Variants in PLEKHO2 observed in about 807,000 individuals in gnomAD.
PLEKHO2 encodes the protein pleckstrin homology domain containing O2, also known as pleckstrin homology domain-containing family O member 2.
PLEKHO2 carries 20 observed loss-of-function variants against 32.7 expected under a neutral mutation model. The ratio of observed to expected loss-of-function variants is 0.61; its 90% CI spans 0.43 to 0.89. The LOEUF is 0.89. Among genes scored for constraint, PLEKHO2 ranks in the 40% least tolerant of loss-of-function variants. PLEKHO2 has a pLI of 0.00. For missense variants in PLEKHO2, 568 were observed against 621.2 expected (o/e 0.91, Z 0.91); for synonymous variants, 247 against 246.3 (o/e 1.00, Z -0.03).
intron 2 of PLEKHO2, among the ~76,000 whole-genome samples, chr15:64,853,053 C>T (rs1289518654): frequency 3.3e-5 from 5 of 150,280 alleles, no homozygotes; most frequent in Admixed American, 6.6e-5. Context: ...GCCGGAGAAT[C>T]GCAGGTACCC....
intron 2 of PLEKHO2, among the ~76,000 whole-genome samples, chr15:64,852,075 A>T (rs2084573726): frequency 6.6e-6 from 1 of 152,190 alleles, no homozygotes; most frequent in South Asian, 2.1e-4. Flanking sequence ...AGAATGGGGT[A>T]GAGAAAGATG....
rs980057427 is a variant in PLEKHO2 at position 64,859,984 on chromosome 15, A to G, written c.370A>G (p.Lys124Glu). Residue 124 changes from lysine to glutamate, a missense_variant, in exon 4 of 6, where the codon AAG becomes GAG. Lys to Glu is a moderately conservative substitution (Grantham distance 56). Transcript: ENST00000323544. The part of the protein sequence containing the change: ...LNEGINRGKN[K>E]AFDEVKVDKS... ...TGAAGGGATTAACCGAGGCAAAAAC[A>G]AGGCTTTCGATGAGGTGCGATGCAG... The G allele has an allele frequency of 2.5e-6, 4 of 1,614,086 alleles. No individual in the cohort carries two copies. The highest frequency in any genetic ancestry group is 3.3e-4 in the Middle Eastern group (2 of 6,062).
rs146726061 is a variant in PLEKHO2, at chr15:64,861,567, C to A, written c.475C>A (p.Leu159Met). 3 of 1,601,588 alleles carry A rather than the reference C, an allele frequency of 1.9e-6. No individual in the cohort carries two copies. In the African/African-American group the frequency reaches 4.0e-5, roughly 21 times the overall value. Residue 159 changes from leucine to methionine, a missense_variant, in exon 5 of 6, where the codon CTG becomes ATG. Coordinates refer to ENST00000323544, the MANE Select transcript of PLEKHO2 (RefSeq NM_025201.5). ...ACGCCGGCCACCAACGAGAGTCCAC[C>A]TGAAGGAGGTAGGGCCTTACCCAGT... ...QRRRPPTRVH[L>M]KEVASAASDG...
intron 3 of PLEKHO2, among the ~76,000 whole-genome samples, chr15:64,856,026 A>AG (rs969987525): frequency 1.3e-5 from 2 of 151,948 alleles, no homozygotes; most frequent in African/African-American, 4.8e-5. Context: ...ATAGCAGTGG[A>AG]GGGGGCTGTG....
intron 2 of PLEKHO2, among the ~76,000 whole-genome samples, chr15:64,854,394 G>A (rs1595829896): frequency 6.6e-6 from 1 of 152,176 alleles, no homozygotes; most frequent in Non-Finnish European, 1.5e-5. Context: ...CTCCGCAGGG[G>A]GTGATGCTGA....
rs2084487299 is a variant in PLEKHO2 at position 64,842,005 on chromosome 15, G to C, written c.-12G>C. On this transcript the variant is annotated 5_prime_UTR_variant, in exon 1 of 6. Coordinates refer to ENST00000323544, the MANE Select transcript of PLEKHO2 (RefSeq NM_025201.5). ...GCGAGTGGCGGAGCGGCGGGACCTC[G>C]GCGGACTCGCCATGGAGGAGGAGGT... 6.4e-6 allele frequency: 8 copies of C among 1,245,902 alleles called. No individual in the cohort carries two copies. The highest frequency in any genetic ancestry group is 8.0e-6 in the Non-Finnish European group (8 of 995,738). The allele number at this position is 1,245,902 out of a possible 1,614,324, so 77.2% of individuals were successfully genotyped here.
chr15:64,846,825 G>T (rs1460759803), intron 1 of PLEKHO2, among the ~76,000 whole-genome samples: 3 of 152,222 alleles, frequency 2.0e-5, no homozygotes, highest in Non-Finnish European at 2.9e-5. Context: ...AGTGACAATA[G>T]TAACAATAAT....
intron 3 of PLEKHO2, among the ~76,000 whole-genome samples, chr15:64,855,284 T>C (rs2084599619): frequency 6.6e-6 from 1 of 152,208 alleles, no homozygotes; most frequent in South Asian, 2.1e-4. Context: ...CCTTTTCCTC[T>C]TGCAGGCCCA....
chr15:64,848,516 C>T, intron 1 of PLEKHO2, 77 bp from the exon 2 acceptor site: 1 of 1,560,214 alleles, frequency 6.4e-7, no homozygotes. Flanking sequence ...GGACACATCC[C>T]TTGTGTGACC....
At chr15:64,843,344 T>C (rs1241531844) in intron 1 of PLEKHO2, among the ~76,000 whole-genome samples, 1 of 152,336 alleles carries the variant, frequency 6.6e-6, no homozygotes, top group South Asian at 2.1e-4. Flanking sequence ...TGTGATTTGC[T>C]GCGGTTTCTT....
chr15:64,857,424 C>G (rs955737397), intron 3 of PLEKHO2, among the ~76,000 whole-genome samples: 2 of 152,192 alleles, frequency 1.3e-5, no homozygotes, highest in African/African-American at 4.8e-5. Flanking sequence ...CAACTTCTGC[C>G]TCCTAGGCTC....
chr15:64,855,026 C>T lies in PLEKHO2; in HGVS notation c.268C>T (p.Pro90Ser). Reference protein sequence around the residue: ...RKHRFILLRSPGNKVSDIKFQ... With the variant: ...RKHRFILLRSSGNKVSDIKFQ... ...ACACCGCTTTATCCTGCTGCGATCC[C>T]CAGGGAACAAGGTAGGGCGATGCCT... is the stretch of plus-strand genomic sequence containing the variant. The change falls in exon 3 of 6, where the codon CCA becomes TCA. Residue 90 changes from proline (P) to serine (S), a missense_variant. Pro to Ser is a moderately conservative substitution (Grantham distance 74, BLOSUM62 -1). Transcript: ENST00000323544. 1 of 1,584,568 alleles carries T rather than the reference C, an allele frequency of 6.3e-7. No homozygotes were observed. The highest frequency in any genetic ancestry group is 1.2e-5 in the South Asian group (1 of 86,956).
rs2084684697 is a variant in PLEKHO2 at position 64,866,117 on chromosome 15, C to T, written c.*229C>T. ...CTACTGCCTGGCTATCTGGCCTGGC[C>T]TCTGGGCTGGGGCTGGGGCTGGGAG... On this transcript the variant is annotated 3_prime_UTR_variant, in exon 6 of 6. Coordinates refer to ENST00000323544, the MANE Select transcript of PLEKHO2 (RefSeq NM_025201.5). The T allele has an allele frequency of 1.6e-6, 1 of 619,956 alleles. No homozygotes were observed. Among genetic ancestry groups the T allele is most frequent in the Non-Finnish European group, 2.8e-6 (1 of 361,388 alleles). 38.4% of individuals were successfully genotyped at this position (619,956 alleles called of 1,614,324 possible).
intron 1 of PLEKHO2, among the ~76,000 whole-genome samples, chr15:64,843,648 T>C (rs963813352): frequency 2.6e-5 from 4 of 151,638 alleles, no homozygotes; most frequent in East Asian, 1.9e-4. Context: ...TGGCGAGATA[T>C]TGGCTCACCG....
chr15:64,856,236 G>A (rs1293669742), intron 3 of PLEKHO2, among the ~76,000 whole-genome samples: 2 of 152,146 alleles, frequency 1.3e-5, no homozygotes. Context: ...CTTCCTTCCT[G>A]AGTGGGCACT....
intron 2 of PLEKHO2, 41 bp from the exon 3 acceptor site, chr15:64,854,880 T>C: frequency 6.6e-7 from 1 of 1,513,916 alleles, no homozygotes; most frequent in Non-Finnish European, 9.2e-7. Context: ...GTGGTGGGTC[T>C]GACTGTCACC....
At chr15:64,851,515 T>C (rs1248395665) in intron 2 of PLEKHO2, among the ~76,000 whole-genome samples, 1 of 152,070 alleles carries the variant, frequency 6.6e-6, no homozygotes, top group African/African-American at 2.4e-5. Flanking sequence ...CACTTAGGGG[T>C]GGGGGAGCTT....
At chr15:64,853,650 C>G (rs988766044) in intron 2 of PLEKHO2, among the ~76,000 whole-genome samples, 6 of 152,104 alleles carry the variant, frequency 3.9e-5, no homozygotes, top group Non-Finnish European at 7.4e-5. Context: ...GGCCTAGGTC[C>G]CAACCTTGGA....
Position 64,861,522 on chromosome 15 carries a change from C to T in PLEKHO2, c.430C>T (p.Arg144Trp), listed in dbSNP as rs1167391807. 4 of 1,609,346 alleles carry T rather than the reference C, an allele frequency of 2.5e-6. No homozygotes were observed. The highest frequency in any genetic ancestry group is 1.1e-5 in the South Asian group (1 of 90,052). The stretch of plus-strand genomic sequence containing the variant: ...CGCCCTGGAGCATGTGACACGGGAC[C>T]GGGTGCGAGGGGGCCAGCGACGCCG... ...SCALEHVTRD[R>W]VRGGQRRRPP... is the part of the protein sequence containing the mutation. Residue 144 changes from arginine to tryptophan, a missense_variant, in exon 5 of 6, where the codon CGG becomes TGG. Physicochemically the swap from Arg to Trp is moderately radical, Grantham distance 101. Coordinates refer to ENST00000323544, the MANE Select transcript of PLEKHO2 (RefSeq NM_025201.5).
Sources: allele counts gnomAD v4.1 joint callset (sites outside exome capture counted in the v4.1 genomes callset), GRCh38; gene constraint gnomAD v4.1.1; transcripts MANE v1.5; gene names NCBI Gene and HGNC (gene_info 2026-07-23, HGNC 2026-07-21).